Variants in ATXN7L1 observed in about 807,000 individuals in gnomAD.
ATXN7L1 encodes ataxin-7-like protein 1.
A neutral mutation model predicts 70.8 loss-of-function variants in ATXN7L1; 15 were observed. That is an observed-to-expected ratio of 0.21 (90% CI 0.14 to 0.33). ATXN7L1 has a LOEUF of 0.33. Ranked by LOEUF, ATXN7L1 falls within the 10% of genes least tolerant of loss-of-function variation. ATXN7L1 has a pLI of 1.00. For missense variants in ATXN7L1, 975 were observed against 1,097.1 expected, an observed-to-expected ratio of 0.89 and a Z score of 1.57; for synonymous variants, 440 against 445.1, an observed-to-expected ratio of 0.99 and a Z score of 0.14.
At chr7:105,615,966 C>G (rs1296124873) in intron 9 of ATXN7L1, among the ~76,000 whole-genome samples, 1 of 152,154 alleles carries the variant, frequency 6.6e-6, no homozygotes, top group East Asian at 1.9e-4. Flanking sequence ...ACTCTGGGGA[C>G]CGGGAGGAGG....
chr7:105,794,228 A>T (rs1239848941), intron 2 of ATXN7L1, among the ~76,000 whole-genome samples: 1 of 152,162 alleles, frequency 6.6e-6, no homozygotes, highest in Non-Finnish European at 1.5e-5. Context: ...CTGAGAGTTA[A>T]GTTGGGATTT....
At chr7:105,705,564 A>G (rs1353488446) in intron 3 of ATXN7L1, among the ~76,000 whole-genome samples, 1 of 152,124 alleles carries the variant, frequency 6.6e-6, no homozygotes, top group African/African-American at 2.4e-5. Context: ...ATCCGTCCCC[A>G]GGAATCTGTC....
At chr7:105,747,666 G>C (rs186372076) in intron 3 of ATXN7L1, among the ~76,000 whole-genome samples, 1 of 152,168 alleles carries the variant, frequency 6.6e-6, no homozygotes. Context: ...TGGGACAGTG[G>C]GGGGACTGAG....
chr7:105,657,237 G>A (rs887804347), intron 4 of ATXN7L1, among the ~76,000 whole-genome samples: 1 of 152,160 alleles, frequency 6.6e-6, no homozygotes, highest in African/African-American at 2.4e-5. Flanking sequence ...ACCAGGCCAA[G>A]GGGAGAAAGG....
At chr7:105,784,539 C>T (rs1244041331) in intron 3 of ATXN7L1, among the ~76,000 whole-genome samples, 2 of 152,036 alleles carry the variant, frequency 1.3e-5, no homozygotes, top group African/African-American at 4.8e-5. Context: ...CGGGAGGTGG[C>T]ACACATGACA....
At chr7:105,616,661 C>T (rs1353652940) in intron 9 of ATXN7L1, among the ~76,000 whole-genome samples, 2 of 152,178 alleles carry the variant, frequency 1.3e-5, no homozygotes, top group African/African-American at 4.8e-5. Context: ...GGATTCTCAG[C>T]AGCACCATAC....
chr7:105,784,458 A>ACACACACACACACACACACACT lies in ATXN7L1; in HGVS notation c.355+4145_355+4146insAGTGTGTGTGTGTGTGTGTGTG, dbSNP rs761004403. On this transcript the variant is annotated intron_variant, in intron 3 of 11. Coordinates refer to ENST00000419735, the MANE Select transcript of ATXN7L1 (RefSeq NM_020725.2). Reference sequence around the variant, plus strand: ...TAAACACACACACACACACACACACACTTTTTTCAATTTAAGTTAAATGAC... The same window carrying ACACACACACACACACACACACT: ...TAAACACACACACACACACACACACACACACACACACACACACACACTCTTTTTTCAATTTAAGTTAAATGAC... 2.3e-3 allele frequency among the ~76,000 whole-genome samples: 345 copies of ACACACACACACACACACACACT among 151,622 alleles called. 3 individuals carry two copies. The highest frequency in any genetic ancestry group is 7.3e-3 in the African/African-American group (301 of 41,152).
intron 3 of ATXN7L1, among the ~76,000 whole-genome samples, chr7:105,709,352 T>G (rs967760299): frequency 1.3e-5 from 2 of 152,030 alleles, no homozygotes; most frequent in Non-Finnish European, 2.9e-5. Flanking sequence ...AAAGAATTTT[T>G]TTTCTATATT....
chr7:105,858,553 C>A (rs1307074671), intron 2 of ATXN7L1, among the ~76,000 whole-genome samples: 1 of 152,172 alleles, frequency 6.6e-6, no homozygotes, highest in Non-Finnish European at 1.5e-5. Context: ...AAAGCATTAC[C>A]CACAGAATGA....
At chr7:105,871,759 A>G (rs1563160435) in intron 2 of ATXN7L1, among the ~76,000 whole-genome samples, 2 of 152,144 alleles carry the variant, frequency 1.3e-5, no homozygotes, top group African/African-American at 2.4e-5. Flanking sequence ...AATTTAGCTA[A>G]TTTTAGATGA....
chr7:105,859,782 CTTT>C (rs34111825), intron 2 of ATXN7L1, among the ~76,000 whole-genome samples: 14 of 94,118 alleles, frequency 1.5e-4, no homozygotes, highest in Admixed American at 2.2e-4. Context: ...TTCTTTCTTT[CTTT>C]TTTTTTTTTT....
chr7:105,819,776 G>C, intron 2 of ATXN7L1: 1 of 689,098 alleles, frequency 1.5e-6, no homozygotes, highest in Non-Finnish European at 2.7e-6. Context: ...AAGCAAGGCC[G>C]GGCCGCCCTG....
chr7:105,786,782 T>C (rs547009190), intron 3 of ATXN7L1, among the ~76,000 whole-genome samples: 148 of 152,242 alleles, frequency 9.7e-4, no homozygotes, highest in Non-Finnish European at 2.8e-4. Context: ...CCTAAAGTGC[T>C]CGGATTATAA....
intron 4 of ATXN7L1, among the ~76,000 whole-genome samples, chr7:105,658,821 A>T (rs546420288): frequency 1.5e-3 from 230 of 150,554 alleles, no homozygotes; most frequent in African/African-American, 5.3e-3. Context: ...GGCATGAGCC[A>T]CCATGCCTGG....
chr7:105,626,621 G>A (rs1790050), intron 7 of ATXN7L1, among the ~76,000 whole-genome samples: 10 of 152,220 alleles, frequency 6.6e-5, no homozygotes, highest in Middle Eastern at 3.4e-3. Context: ...TTCATTCTGC[G>A]TGTCTACAGG....
intron 3 of ATXN7L1, among the ~76,000 whole-genome samples, chr7:105,759,484 G>GTT (rs35892548): frequency 0.067 from 9,035 of 135,620 alleles, 507 homozygotes; most frequent in East Asian, 0.11. Context: ...GTGTGTGTGT[G>GTT]TGTGTGTATG....
chr7:105,746,802 T>C (rs1478284874), intron 3 of ATXN7L1, among the ~76,000 whole-genome samples: 2 of 152,204 alleles, frequency 1.3e-5, no homozygotes, highest in Non-Finnish European at 2.9e-5. Flanking sequence ...ATGCATAAAA[T>C]GCACACTCAT....
chr7:105,859,720 A>T (rs10282348), intron 2 of ATXN7L1, among the ~76,000 whole-genome samples: 52,847 of 151,214 alleles, frequency 0.35, 10,019 homozygotes, highest in East Asian at 0.72. Flanking sequence ...TAATGACATA[A>T]CTCTCAGAAC....
intron 2 of ATXN7L1, among the ~76,000 whole-genome samples, chr7:105,807,772 C>T (rs1221363820): frequency 6.6e-6 from 1 of 152,228 alleles, no homozygotes; most frequent in Non-Finnish European, 1.5e-5. Flanking sequence ...ACCGAGCAGC[C>T]TCCCAACCAC....
Sources: gnomAD v4.1 joint callset for allele counts (sites outside exome capture counted in the v4.1 genomes callset) on GRCh38, gnomAD v4.1.1 for gene constraint, MANE v1.5 for transcripts, NCBI Gene and HGNC (gene_info 2026-07-23, HGNC 2026-07-21) for gene names.